The following MYMK variants were observed in gnomAD, a reference collection of about 807,000 sequenced individuals.
MYMK encodes protein myomaker.
MYMK carries 16 observed loss-of-function variants against 22.4 expected under a neutral mutation model. The ratio of observed to expected loss-of-function variants is 0.72; its 90% CI spans 0.48 to 1.09. The LOEUF (loss-of-function observed/expected upper bound fraction) is 1.09. MYMK is among the 50% of genes least tolerant of loss of function. The pLI is 0.00. For missense variants in MYMK, 250 were observed against 295.6 expected, an observed-to-expected ratio of 0.85 and a Z score of 1.13; for synonymous variants, 125 against 127.0, an observed-to-expected ratio of 0.98 and a Z score of 0.11.
chr9:133,524,891 C>A lies in MYMK; in HGVS notation c.-47G>T. 2 of 1,562,238 alleles carry A rather than the reference C, an allele frequency of 1.3e-6. No homozygotes were observed. The highest frequency in any genetic ancestry group is 8.7e-7 in the Non-Finnish European group (1 of 1,155,048). ...CTGGGGTGGGGAGGGTGCTGGTGTC[C>A]CAGGTCCCCAGCACAGGAGCACGAA... On this transcript the variant is annotated 5_prime_UTR_variant, in exon 1 of 5. Transcript: ENST00000339996.
Position 133,518,894 on chromosome 9 carries a change from G to C in MYMK, c.379C>G (p.Leu127Val). The stretch of plus-strand genomic sequence containing the variant: ...CGCACCCACTTTGCCGCGATGATGA[G>C]GATGGCTGTGCCGATGGGGCCCGAG... ...VYSGPIGTAILIIAAKWLQKM... is the reference protein window; with the variant it reads ...VYSGPIGTAIVIIAAKWLQKM... The change falls in exon 3 of 5, where the codon CTC becomes GTC. Residue 127 changes from leucine to valine, a missense_variant. Coordinates refer to ENST00000339996, the MANE Select transcript of MYMK (RefSeq NM_001080483.3). The C allele has an allele frequency of 1.2e-6, 2 of 1,613,292 alleles. No individual in the cohort carries two copies. The highest frequency in any genetic ancestry group is 1.7e-6 in the Non-Finnish European group (2 of 1,179,902).
intron 2 of MYMK, 32 bp from the exon 3 acceptor site, chr9:133,519,054 G>A (rs1409864699): frequency 1.9e-6 from 3 of 1,612,490 alleles, no homozygotes; most frequent in African/African-American, 1.3e-5. Context: ...AGGGGGAGGT[G>A]AGTGGTCTCT....
At chr9:133,523,688 A>AGAGAGAGAGAGAGAGG (rs2131072741) in intron 1 of MYMK, among the ~76,000 whole-genome samples, 1 of 107,962 alleles carries the variant, frequency 9.3e-6, no homozygotes, top group Non-Finnish European at 2.1e-5. Flanking sequence ...AGATGGAGAG[A>AGAGAGAGAGAGAGAGG]GAGAGAGAGA....
rs1844666222 is a variant in MYMK, at chr9:133,518,999, T to G, written c.274A>C (p.Lys92Gln). The G allele has an allele frequency of 6.8e-6, 11 of 1,613,768 alleles. No homozygotes were observed. Among genetic ancestry groups the G allele is most frequent in the Non-Finnish European group, 8.5e-6 (10 of 1,180,002 alleles). The change falls in exon 3 of 5, where the codon AAG becomes CAG. Residue 92 changes from lysine to glutamine, a missense_variant. Transcript: ENST00000339996. Reference protein sequence around the residue: ...LMALADFDEPKRSTFVMFGVL... With the variant: ...LMALADFDEPQRSTFVMFGVL... ...CCGAACATCACAAATGTTGACCTCT[T>G]GGGTTCGTCGAAGTCGGCCAGTGCT... is the stretch of plus-strand genomic sequence containing the variant.
chr9:133,524,949 T>G lies in MYMK; in HGVS notation c.-105A>C. On this transcript the variant is annotated 5_prime_UTR_variant, in exon 1 of 5. Coordinates refer to ENST00000339996, the MANE Select transcript of MYMK (RefSeq NM_001080483.3). ...GGCCAGCTCCCTTTGGGCAGGGCTC[T>G]GATGGCAGCTGCGGGGAGCACCCAC... The G allele has an allele frequency of 3.2e-5, 43 of 1,353,488 alleles. No individual in the cohort carries two copies. The highest frequency in any genetic ancestry group is 2.7e-4 in the Middle Eastern group (1 of 3,730). 83.8% of individuals were successfully genotyped at this position (1,353,488 alleles called of 1,614,324 possible).
At chr9:133,523,680 ATG>A (rs1491321086) in intron 1 of MYMK, among the ~76,000 whole-genome samples, 67 of 115,516 alleles carry the variant, frequency 5.8e-4, no homozygotes, top group African/African-American at 2.1e-3. Flanking sequence ...AGAGAGATAG[ATG>A]GAGAGAGAGA....
chr9:133,514,860 G>A (rs9696928), intron 4 of MYMK, 75 bp from the exon 5 acceptor site: 62 of 1,459,816 alleles, frequency 4.2e-5, no homozygotes, highest in Admixed American at 1.8e-4. Context: ...ACCCAGCAGA[G>A]CCCCTTCAGG....
chr9:133,523,967 G>GGA (rs1243165558), intron 1 of MYMK, among the ~76,000 whole-genome samples: 3 of 151,862 alleles, frequency 2.0e-5, no homozygotes, highest in African/African-American at 7.3e-5. Context: ...AGAAGACAGG[G>GGA]GAGACAGGGG....
At chr9:133,516,708 T>A (rs1387408416) in intron 3 of MYMK, among the ~76,000 whole-genome samples, 1 of 152,122 alleles carries the variant, frequency 6.6e-6, no homozygotes, top group Non-Finnish European at 1.5e-5. Flanking sequence ...TGACCCTGGG[T>A]GCGGTGGTCA....
chr9:133,524,892 C>T lies in MYMK; in HGVS notation c.-48G>A, dbSNP rs1369493370. 6.4e-6 allele frequency: 10 copies of T among 1,562,096 alleles called. No individual in the cohort carries two copies. Among genetic ancestry groups the T allele is most frequent in the South Asian group, 3.6e-5 (3 of 82,806 alleles). On this transcript the variant is annotated 5_prime_UTR_variant, in exon 1 of 5. Coordinates refer to ENST00000339996, the MANE Select transcript of MYMK (RefSeq NM_001080483.3). ...TGGGGTGGGGAGGGTGCTGGTGTCC[C>T]AGGTCCCCAGCACAGGAGCACGAAG...
chr9:133,515,792 G>T lies in MYMK; in HGVS notation c.400-185C>A, dbSNP rs572417371. Among the ~76,000 whole-genome samples the T allele has an allele frequency of 1.3e-5, 2 of 152,182 alleles. No homozygotes were observed. The highest frequency in any genetic ancestry group is 2.9e-5 in the Non-Finnish European group (2 of 67,974). On this transcript the variant is annotated intron_variant, in intron 3 of 4. Transcript: ENST00000339996. The surrounding 1 kb of genome is among the most constrained non-coding windows in gnomAD (Gnocchi z 5.8). The stretch of plus-strand genomic sequence containing the variant: ...GCTTCTGCTGGACAGGGCCCTTCAC[G>T]GTGCGACCCAGCAGAGACCCCAGCC...
intron 2 of MYMK, 80 bp from the exon 3 acceptor site, chr9:133,519,102 C>T: frequency 4.5e-6 from 7 of 1,567,552 alleles, no homozygotes; most frequent in Non-Finnish European, 6.1e-6. Context: ...CCCCAGCCCC[C>T]AGGAGGCATC....
chr9:133,522,456 G>A (rs1844713272), intron 1 of MYMK, among the ~76,000 whole-genome samples: 1 of 152,236 alleles, frequency 6.6e-6, no homozygotes, highest in Non-Finnish European at 1.5e-5. Context: ...GGGCCTGATT[G>A]GAAGGGAAGG....
chr9:133,522,982 T>C (rs1340157304), intron 1 of MYMK, among the ~76,000 whole-genome samples: 2 of 152,196 alleles, frequency 1.3e-5, no homozygotes, highest in Non-Finnish European at 2.9e-5. Flanking sequence ...AATCAGACAC[T>C]GTGCACAGAG....
At position 133,514,715 on chromosome 9, in the gene MYMK, G is replaced by A; in HGVS notation, c.587C>T (p.Pro196Leu). 2.5e-6 allele frequency: 4 copies of A among 1,614,078 alleles called. No individual in the cohort carries two copies. The highest frequency in any genetic ancestry group is 3.4e-6 in the Non-Finnish European group (4 of 1,179,946). The change falls in exon 5 of 5, where the codon CCC (proline) becomes CTC (leucine). Residue 196 changes from proline to leucine, a missense_variant. Coordinates refer to ENST00000339996, the MANE Select transcript of MYMK (RefSeq NM_001080483.3). ...GGATCCAGCCTTCTTGTTGACCTTG[G>A]GCAGCAGCAGAACAAAGGACATAGC... ...ALAMSFVLLL[P>L]KVNKKAGSPG...
chr9:133,515,634 GC>G lies in MYMK; in HGVS notation c.400-28del. 1 of 1,510,714 alleles carries G rather than the reference GC, an allele frequency of 6.6e-7. No individual in the cohort carries two copies. The highest frequency in any genetic ancestry group is 2.3e-5 in the East Asian group (1 of 44,342). The allele number at this position is 1,510,714 out of a possible 1,614,324, so 93.6% of individuals were successfully genotyped here. ...TGTGAGGACAGGAGGCCACAGCAAAGCTTTTAGGTCACAGCACTGGGGAACG... is the reference window on the plus strand; with the variant it reads ...TGTGAGGACAGGAGGCCACAGCAAAGTTTTAGGTCACAGCACTGGGGAACG... On this transcript the variant is annotated intron_variant, in intron 3 of 4. Transcript: ENST00000339996. The surrounding 1 kb of genome is among the most constrained non-coding windows in gnomAD (Gnocchi z 5.8).
Position 133,515,345 on chromosome 9 carries a change from G to T in MYMK, c.516+146C>A. The T allele has an allele frequency of 1.5e-6, 1 of 655,996 alleles. No individual in the cohort carries two copies. The allele number at this position is 655,996 out of a possible 1,614,324, so 40.6% of individuals were successfully genotyped here. A position where few individuals can be genotyped will look rare whatever the true frequency, so the allele number is the denominator to read the frequency against. ...ATTGCCCCCGACATAGCCCTGGGAG[G>T]GGCTAGTGAGCAGGGACTAATACCA... On this transcript the variant is annotated intron_variant, in intron 4 of 4. Coordinates refer to ENST00000339996, the MANE Select transcript of MYMK (RefSeq NM_001080483.3). This position sits in a 1 kb window ranked among gnomAD's most constrained non-coding sequence, Gnocchi z 5.8.
At chr9:133,519,138 C>G (rs1184999275) in intron 2 of MYMK, 116 bp from the exon 3 acceptor site, 29 of 1,322,318 alleles carry the variant, frequency 2.2e-5, no homozygotes, top group Non-Finnish European at 2.9e-5. Flanking sequence ...CTCGGTGTCC[C>G]CTCAGCCAGC....
In MYMK at chr9:133,519,036, G is replaced by A. The variant is rs777997039; in HGVS notation, c.251-14C>T. 1 of 1,613,370 alleles carries A rather than the reference G, an allele frequency of 6.2e-7. No homozygotes were observed. Among genetic ancestry groups the A allele is most frequent in the Admixed American group, 1.7e-5 (1 of 60,006 alleles). On this transcript the variant is annotated splice_polypyrimidine_tract_variant and intron_variant, in intron 2 of 4. Coordinates refer to ENST00000339996, the MANE Select transcript of MYMK (RefSeq NM_001080483.3). ...AGTCGGCCAGTGCTGGAGGGGCCAG[G>A]GAGACACAGGGGGAGGTGAGTGGTC...
Sources: allele counts gnomAD v4.1 joint callset (sites outside exome capture counted in the v4.1 genomes callset), GRCh38; gene constraint gnomAD v4.1.1; non-coding constraint Gnocchi (gnomAD v3.1); transcripts MANE v1.5; gene names NCBI Gene and HGNC (gene_info 2026-07-23, HGNC 2026-07-21).